The following RABGAP1L variants were observed in gnomAD, a reference collection of about 807,000 sequenced individuals.
RABGAP1L encodes RAB GTPase activating protein 1 like.
A neutral mutation model predicts 137.7 loss-of-function variants in RABGAP1L; 63 were observed. That is an observed-to-expected ratio of 0.46 (90% CI 0.37 to 0.56). RABGAP1L has a LOEUF of 0.56. Ranked by LOEUF, RABGAP1L falls within the 20% of genes least tolerant of loss-of-function variation. The pLI, the probability that RABGAP1L is intolerant of heterozygous loss-of-function variation, is 0.00. For missense variants in RABGAP1L, 1,095 were observed against 1,244.0 expected (o/e 0.88, Z 1.80); for synonymous variants, 431 against 433.7 (o/e 0.99, Z 0.08).
chr1:174,811,272 G>GT (rs373138054), intron 18 of RABGAP1L, among the ~76,000 whole-genome samples: 3 of 152,224 alleles, frequency 2.0e-5, no homozygotes, highest in African/African-American at 7.2e-5. Context: ...TAGTTAGGTG[G>GT]TTTGTTTCAT....
rs1553274473 is a variant in RABGAP1L, at chr1:174,327,970, T to TATAC, written c.1465+22846_1465+22847insCATA. Among the ~76,000 whole-genome samples, 18 of 15,242 alleles carry TATAC rather than the reference T, an allele frequency of 1.2e-3. 1 individual carries two copies. Among genetic ancestry groups the TATAC allele is most frequent in the African/African-American group, 8.5e-3 (18 of 2,112 alleles). The allele number at this position is 15,242 out of a possible 152,430, so 10.0% of individuals were successfully genotyped here. ...TAACAGTTGTAAATATATATATATA[T>TATAC]ATATATATACACACACATATATATA... is the stretch of plus-strand genomic sequence containing the variant. On this transcript the variant is annotated intron_variant, in intron 11 of 25. Transcript: ENST00000681986.
At chr1:174,632,912 C>T (rs1171240997) in intron 13 of RABGAP1L, among the ~76,000 whole-genome samples, 2 of 151,998 alleles carry the variant, frequency 1.3e-5, no homozygotes, top group Non-Finnish European at 2.9e-5. Context: ...CATTCTCCAT[C>T]CGGCTTTGTT....
chr1:174,175,309 A>G (rs1665742067), intron 1 of RABGAP1L, among the ~76,000 whole-genome samples: 1 of 152,162 alleles, frequency 6.6e-6, no homozygotes, highest in Non-Finnish European at 1.5e-5. Flanking sequence ...TTTGTTCTGG[A>G]TGGCATGAAG....
chr1:174,307,697 C>T (rs1241316259), intron 11 of RABGAP1L, among the ~76,000 whole-genome samples: 2 of 152,040 alleles, frequency 1.3e-5, no homozygotes, highest in African/African-American at 2.4e-5. Flanking sequence ...AGATAAAGCA[C>T]ATTTTGTTTA....
In RABGAP1L at chr1:174,178,199, C is replaced by T. The variant is rs186465876; in HGVS notation, c.-34+18542C>T. Among the ~76,000 whole-genome samples the T allele has an allele frequency of 4.6e-5, 7 of 152,196 alleles. No homozygotes were observed. The East Asian group carries it at 1.2e-3, about 25-fold the overall frequency. On this transcript the variant is annotated intron_variant, in intron 1 of 25. Transcript: ENST00000681986. Reference sequence around the variant, plus strand: ...TCTCCTTGAAGAGGTCCTTCATGTCCCTTATAAGTTGTATTCCTAGTTATT... The same window carrying T: ...TCTCCTTGAAGAGGTCCTTCATGTCTCTTATAAGTTGTATTCCTAGTTATT...
chr1:174,313,180 T>A (rs2148801865), intron 11 of RABGAP1L, among the ~76,000 whole-genome samples: 1 of 152,198 alleles, frequency 6.6e-6, no homozygotes, highest in East Asian at 1.9e-4. Context: ...CGCCTCGGCC[T>A]CCCAAAGTGC....
At chr1:174,511,394 A>C (rs147145840) in intron 13 of RABGAP1L, among the ~76,000 whole-genome samples, 1 of 152,188 alleles carries the variant, frequency 6.6e-6, no homozygotes, top group African/African-American at 2.4e-5. Context: ...AATGTTTATA[A>C]TTAAGTAAGC....
rs569475066 is a variant in RABGAP1L at position 174,925,915 on chromosome 1, G to A, written c.2341-31542G>A. Among the ~76,000 whole-genome samples, 327 of 134,500 alleles carry A rather than the reference G, an allele frequency of 2.4e-3. 1 individual carries two copies. The highest frequency in any genetic ancestry group is 8.2e-3 in the African/African-American group (310 of 37,682). 88.2% of individuals were successfully genotyped at this position (134,500 alleles called of 152,430 possible). A position where few individuals can be genotyped will look rare whatever the true frequency, so the allele number is the denominator to read the frequency against. ...TTTTTTTTTTTTTTTTTGATACCAGGCTGCAGTGGTGTGATCTTGGCTGAC... is the reference window on the plus strand; with the variant it reads ...TTTTTTTTTTTTTTTTTGATACCAGACTGCAGTGGTGTGATCTTGGCTGAC... On this transcript the variant is annotated intron_variant, in intron 19 of 25. Transcript: ENST00000681986.
intron 15 of RABGAP1L, among the ~76,000 whole-genome samples, chr1:174,687,611 A>G (rs949212802): frequency 6.6e-6 from 1 of 152,202 alleles, no homozygotes; most frequent in East Asian, 1.9e-4. Flanking sequence ...ATAGAAGAAT[A>G]CGGACTGGTT....
chr1:174,552,640 G>T (rs1330088077), intron 13 of RABGAP1L, among the ~76,000 whole-genome samples: 1 of 152,064 alleles, frequency 6.6e-6, no homozygotes, highest in Non-Finnish European at 1.5e-5. Flanking sequence ...GGGCATTTAG[G>T]TTCATTCCAT....
At chr1:174,737,806 TG>T (rs1238539867) in intron 17 of RABGAP1L, among the ~76,000 whole-genome samples, 1 of 152,162 alleles carries the variant, frequency 6.6e-6, no homozygotes, top group Admixed American at 6.5e-5. Flanking sequence ...CTTACAATCA[TG>T]GCAGAAGGTG....
chr1:174,644,215 G>A (rs1409905720), intron 14 of RABGAP1L, among the ~76,000 whole-genome samples: 2 of 152,036 alleles, frequency 1.3e-5, no homozygotes, highest in Non-Finnish European at 2.9e-5. Context: ...GTCCTGGAAA[G>A]AGAATGAGTG....
At chr1:174,298,976 A>G (rs893505411) in intron 10 of RABGAP1L, among the ~76,000 whole-genome samples, 1 of 152,240 alleles carries the variant, frequency 6.6e-6, no homozygotes, top group African/African-American at 2.4e-5. Context: ...AAAACTTAAA[A>G]ACAACGAATC....
intron 16 of RABGAP1L, 45 bp from the exon 17 acceptor site, chr1:174,702,068 C>G (rs762995902): frequency 1.3e-6 from 2 of 1,576,214 alleles, no homozygotes; most frequent in Admixed American, 3.6e-5. Context: ...CATTGTTCTG[C>G]TGCAAGCTTC....
intron 10 of RABGAP1L, among the ~76,000 whole-genome samples, chr1:174,296,549 G>A (rs978882646): frequency 1.3e-5 from 2 of 152,042 alleles, no homozygotes; most frequent in Non-Finnish European, 2.9e-5. Context: ...TAATTTCTTC[G>A]GCAGATTTGG....
chr1:174,966,900 A>C (rs1196566954), intron 20 of RABGAP1L, among the ~76,000 whole-genome samples: 2 of 152,240 alleles, frequency 1.3e-5, no homozygotes, highest in East Asian at 3.9e-4. Flanking sequence ...TTGGCATCTT[A>C]TCCCTTCCAA....
In RABGAP1L at chr1:174,845,162, C is replaced by T. The variant is rs952749100; in HGVS notation, c.2340+33202C>T. On this transcript the variant is annotated intron_variant, in intron 19 of 25. Transcript: ENST00000681986. ...GAGTTTTCTAGATAAACAATCATGTCGTCTGCAAACAGGGACAATTTGACT... is the reference window on the plus strand; with the variant it reads ...GAGTTTTCTAGATAAACAATCATGTTGTCTGCAAACAGGGACAATTTGACT... Among the ~76,000 whole-genome samples, 10 of 140,646 alleles carry T rather than the reference C, an allele frequency of 7.1e-5. No homozygotes were observed. In the East Asian group the frequency reaches 1.1e-3, roughly 16 times the overall value. 92.3% of individuals were successfully genotyped at this position (140,646 alleles called of 152,430 possible).
intron 11 of RABGAP1L, among the ~76,000 whole-genome samples, chr1:174,356,512 A>G (rs1396910328): frequency 1.3e-5 from 2 of 152,148 alleles, no homozygotes; most frequent in Non-Finnish European, 2.9e-5. Context: ...AATGTCAATT[A>G]ATACTGATTC....
intron 19 of RABGAP1L, among the ~76,000 whole-genome samples, chr1:174,851,142 G>A (rs1290220880): frequency 2.0e-5 from 3 of 152,146 alleles, no homozygotes; most frequent in African/African-American, 7.2e-5. Context: ...TGACCTATGG[G>A]GATGTGAGAT....
Sources: gnomAD v4.1 joint callset for allele counts (sites outside exome capture counted in the v4.1 genomes callset) on GRCh38, gnomAD v4.1.1 for gene constraint, MANE v1.5 for transcripts, NCBI Gene and HGNC (gene_info 2026-07-23, HGNC 2026-07-21) for gene names.